EYS: variants seen among roughly 807,000 people sequenced by gnomAD.
EYS encodes EGF-like photoreceptor maintenance factor, also known as protein eyes shut homolog.
In EYS, 250 loss-of-function variants were observed where a neutral mutation model predicts 282.1. The ratio of observed to expected loss-of-function variants is 0.89; its 90% CI spans 0.80 to 0.98. The LOEUF (loss-of-function observed/expected upper bound fraction) is 0.98. EYS is among the 50% of genes least tolerant of loss of function. The pLI, the probability that EYS is intolerant of heterozygous loss-of-function variation, is 0.00. For missense variants in EYS, 4,016 were observed against 3,709.0 expected (o/e 1.08, Z -2.15); for synonymous variants, 1,355 against 1,282.9 (o/e 1.06, Z -1.20).
rs557023634 is a variant in EYS, at chr6:64,512,280, C to A, written c.5645-72928G>T. Among the ~76,000 whole-genome samples, 8 of 152,142 alleles carry A rather than the reference C, an allele frequency of 5.3e-5. No homozygotes were observed. The South Asian group carries it at 1.7e-3, about 32-fold the overall frequency. ...ATATTTCATTATGTAGGAGAAGCGT[C>A]ACTGCAAAGCATCACCAACAAATCA... On this transcript the variant is annotated intron_variant, in intron 26 of 42. Coordinates refer to ENST00000503581, the MANE Select transcript of EYS (RefSeq NM_001142800.2).
intron 31 of EYS, among the ~76,000 whole-genome samples, chr6:64,170,820 A>G (rs1764455464): frequency 6.6e-6 from 1 of 152,074 alleles, no homozygotes; most frequent in African/African-American, 2.4e-5. Context: ...ATTTTTATGT[A>G]GCATTTCACA....
intron 11 of EYS, among the ~76,000 whole-genome samples, chr6:65,296,823 G>A (rs914039870): frequency 6.6e-6 from 1 of 151,632 alleles, no homozygotes; most frequent in Non-Finnish European, 1.5e-5. Flanking sequence ...TTTCTTGTAA[G>A]TGAAGACAAT....
At position 64,726,150 on chromosome 6, in the gene EYS, C is replaced by A. The variant is rs544505339; in HGVS notation, c.3443+87228G>T. Among the ~76,000 whole-genome samples the A allele has an allele frequency of 3.3e-5, 5 of 152,122 alleles. No individual in the cohort carries two copies. The East Asian group carries it at 5.8e-4, about 18-fold the overall frequency. On this transcript the variant is annotated intron_variant, in intron 22 of 42. Transcript: ENST00000503581. Reference sequence around the variant, plus strand: ...CTCTGCCAAACAAAATTCAACCAACCCTCGAGGGCCCAATTCAAATCTCAC... The same window carrying A: ...CTCTGCCAAACAAAATTCAACCAACACTCGAGGGCCCAATTCAAATCTCAC...
intron 22 of EYS, among the ~76,000 whole-genome samples, chr6:64,667,926 TA>T (rs1427946863): frequency 6.6e-6 from 1 of 152,160 alleles, no homozygotes; most frequent in East Asian, 1.9e-4. Context: ...TCTCAAACTT[TA>T]GCATGCATCA....
At chr6:64,294,798 A>G (rs1470989397) in intron 30 of EYS, among the ~76,000 whole-genome samples, 1 of 152,236 alleles carries the variant, frequency 6.6e-6, no homozygotes, top group Non-Finnish European at 1.5e-5. Context: ...TTAAAAAATT[A>G]AGATTATACT....
chr6:64,797,910 A>G (rs943678277), intron 22 of EYS, among the ~76,000 whole-genome samples: 1 of 151,878 alleles, frequency 6.6e-6, no homozygotes, highest in African/African-American at 2.4e-5. Flanking sequence ...CTCAATACCC[A>G]TGAAACACCT....
chr6:64,698,953 AC>A (rs1403364827), intron 22 of EYS, among the ~76,000 whole-genome samples: 2 of 152,174 alleles, frequency 1.3e-5, no homozygotes, highest in Non-Finnish European at 2.9e-5. Flanking sequence ...CTATGATTCA[AC>A]CCAGCAGTCC....
At chr6:63,754,581 C>T (rs959931779) in intron 41 of EYS, among the ~76,000 whole-genome samples, 2 of 152,138 alleles carry the variant, frequency 1.3e-5, no homozygotes, top group Non-Finnish European at 2.9e-5. Context: ...TTTCTTTATC[C>T]AGTCTATCAT....
chr6:64,911,152 C>T (rs2150076077), intron 16 of EYS, among the ~76,000 whole-genome samples: 1 of 152,162 alleles, frequency 6.6e-6, no homozygotes, highest in South Asian at 2.1e-4. Context: ...ACAAGTTTCA[C>T]TCTCAGTGCT....
chr6:64,442,509 A>G (rs940338868), intron 26 of EYS, among the ~76,000 whole-genome samples: 2 of 152,228 alleles, frequency 1.3e-5, no homozygotes, highest in Non-Finnish European at 2.9e-5. Context: ...GATAATGGGG[A>G]AAATATCTCC....
intron 19 of EYS, among the ~76,000 whole-genome samples, chr6:64,863,591 C>T (rs1204354974): frequency 2.0e-5 from 3 of 152,104 alleles, no homozygotes; most frequent in Non-Finnish European, 4.4e-5. Flanking sequence ...AGTGGCCTGA[C>T]TTGTTGCTTA....
chr6:64,398,761 C>G (rs954267616), intron 28 of EYS, among the ~76,000 whole-genome samples: 10 of 151,810 alleles, frequency 6.6e-5, no homozygotes, highest in African/African-American at 2.2e-4. Flanking sequence ...CAGGTATGGT[C>G]ATGCAGCCAA....
At chr6:64,194,775 C>A (rs1257006597) in intron 31 of EYS, among the ~76,000 whole-genome samples, 1 of 151,998 alleles carries the variant, frequency 6.6e-6, no homozygotes, top group East Asian at 1.9e-4. Context: ...CTATTCTAAT[C>A]TATATCCTGA....
At chr6:63,757,741 T>C (rs1769526374) in intron 41 of EYS, among the ~76,000 whole-genome samples, 1 of 152,146 alleles carries the variant, frequency 6.6e-6, no homozygotes, top group South Asian at 2.1e-4. Flanking sequence ...AGAACCTACG[T>C]TGAAATATTG....
At chr6:64,267,813 G>T (rs1277895716) in intron 30 of EYS, among the ~76,000 whole-genome samples, 2 of 151,986 alleles carry the variant, frequency 1.3e-5, no homozygotes, top group Non-Finnish European at 2.9e-5. Context: ...ACAAAAGATT[G>T]CTCATCCCTA....
intron 28 of EYS, among the ~76,000 whole-genome samples, chr6:64,405,646 C>T (rs1190664555): frequency 6.6e-6 from 1 of 152,102 alleles, no homozygotes. Context: ...GATACAAAAT[C>T]AATGTGCAAA....
intron 8 of EYS, among the ~76,000 whole-genome samples, chr6:65,367,165 A>C (rs1161172297): frequency 1.3e-5 from 2 of 151,746 alleles, no homozygotes; most frequent in South Asian, 4.1e-4. Flanking sequence ...CTGTTGAAGA[A>C]AGTTTACGTT....
intron 12 of EYS, among the ~76,000 whole-genome samples, chr6:65,115,673 G>A (rs1317879540): frequency 6.6e-6 from 1 of 152,004 alleles, no homozygotes; most frequent in Non-Finnish European, 1.5e-5. Flanking sequence ...CCCATGTTCA[G>A]GATTTTATAG....
chr6:65,142,445 TACAGGAA>T (rs1202839625), intron 12 of EYS, among the ~76,000 whole-genome samples: 1 of 147,238 alleles, frequency 6.8e-6, no homozygotes, highest in Non-Finnish European at 1.5e-5. Context: ...AGGTGGTGGT[TACAGGAA>T]ACATGATAAA....
Sources: gnomAD v4.1 joint callset for allele counts (sites outside exome capture counted in the v4.1 genomes callset) on GRCh38, gnomAD v4.1.1 for gene constraint, MANE v1.5 for transcripts, NCBI Gene and HGNC (gene_info 2026-07-23, HGNC 2026-07-21) for gene names.